Variants in SGCZ observed in about 807,000 individuals in gnomAD.
SGCZ encodes the protein zeta-sarcoglycan.
A neutral mutation model predicts 41.3 loss-of-function variants in SGCZ; 40 were observed. That is an observed-to-expected ratio of 0.97 (90% CI 0.75 to 1.26). SGCZ has a LOEUF of 1.26. SGCZ is among the 50% of genes most tolerant of loss of function. The pLI, the probability that SGCZ is intolerant of heterozygous loss-of-function variation, is 0.00. For missense variants in SGCZ, 552 were observed against 369.8 expected (o/e 1.49, Z -4.04); for synonymous variants, 206 against 137.5 (o/e 1.50, Z -3.49).
intron 1 of SGCZ, among the ~76,000 whole-genome samples, chr8:15,135,518 G>GA (rs2116983312): frequency 6.6e-6 from 1 of 152,298 alleles, no homozygotes; most frequent in Admixed American, 6.5e-5. Context: ...TCTACATGCT[G>GA]TTTTCTACAT....
intron 1 of SGCZ, among the ~76,000 whole-genome samples, chr8:14,830,051 C>A (rs1802474286): frequency 6.6e-6 from 1 of 152,176 alleles, no homozygotes; most frequent in Non-Finnish European, 1.5e-5. Context: ...ACCTCGTGAT[C>A]TGCACGCCTT....
At chr8:14,251,064 C>A (rs904271071) in intron 3 of SGCZ, among the ~76,000 whole-genome samples, 1 of 152,082 alleles carries the variant, frequency 6.6e-6, no homozygotes, top group Non-Finnish European at 1.5e-5. Flanking sequence ...CCCGTCTCTA[C>A]TTAAAGTACA....
intron 1 of SGCZ, among the ~76,000 whole-genome samples, chr8:14,880,641 A>G (rs1349069812): frequency 6.6e-6 from 1 of 152,184 alleles, no homozygotes; most frequent in Admixed American, 6.5e-5. Context: ...CGATGAGTTC[A>G]TGTCGATTGT....
chr8:14,343,946 G>A (rs1036758364), intron 2 of SGCZ, among the ~76,000 whole-genome samples: 1 of 151,968 alleles, frequency 6.6e-6, no homozygotes, highest in African/African-American at 2.4e-5. Context: ...TCACATATTG[G>A]TTCAAAATAA....
intron 1 of SGCZ, among the ~76,000 whole-genome samples, chr8:14,988,993 C>G (rs1801919909): frequency 6.6e-6 from 1 of 151,952 alleles, no homozygotes; most frequent in South Asian, 2.1e-4. Flanking sequence ...ATTTAATAGG[C>G]TCTTAAAAAT....
At chr8:15,197,364 C>T (rs996698727) in intron 1 of SGCZ, among the ~76,000 whole-genome samples, 44 of 152,168 alleles carry the variant, frequency 2.9e-4, no homozygotes, top group African/African-American at 1.0e-3. Flanking sequence ...AAGGATATAA[C>T]ATCTTCACGA....
chr8:14,215,947 G>A (rs1228889600), intron 4 of SGCZ, among the ~76,000 whole-genome samples: 2 of 152,240 alleles, frequency 1.3e-5, no homozygotes, highest in Non-Finnish European at 2.9e-5. Flanking sequence ...GTGAAAGAGT[G>A]GGCTAGGGGA....
chr8:14,569,434 T>C (rs577959010), intron 1 of SGCZ, among the ~76,000 whole-genome samples: 6 of 152,346 alleles, frequency 3.9e-5, no homozygotes, highest in African/African-American at 1.4e-4. Flanking sequence ...CTTGTTTCTT[T>C]CCTTAGCTTC....
chr8:15,151,179 C>G (rs1037114450), intron 1 of SGCZ, among the ~76,000 whole-genome samples: 26 of 152,342 alleles, frequency 1.7e-4, no homozygotes, highest in African/African-American at 6.3e-4. Context: ...AACTGCCAAT[C>G]CCGTGAATGG....
At chr8:15,008,264 C>T (rs1252352807) in intron 1 of SGCZ, among the ~76,000 whole-genome samples, 2 of 151,912 alleles carry the variant, frequency 1.3e-5, no homozygotes, top group African/African-American at 4.8e-5. Flanking sequence ...TTCGTAGGGC[C>T]TTCCTATTTC....
At chr8:14,591,605 C>T (rs1805242669) in intron 1 of SGCZ, among the ~76,000 whole-genome samples, 1 of 151,992 alleles carries the variant, frequency 6.6e-6, no homozygotes. Flanking sequence ...ATGTTTGCAC[C>T]TTATGCAAAC....
At chr8:14,266,060 AAG>A (rs1799855096) in intron 3 of SGCZ, among the ~76,000 whole-genome samples, 1 of 152,138 alleles carries the variant, frequency 6.6e-6, no homozygotes, top group Non-Finnish European at 1.5e-5. Flanking sequence ...GACATATTCA[AAG>A]AGATAATAAC....
At chr8:14,685,384 G>T (rs111683077) in intron 1 of SGCZ, among the ~76,000 whole-genome samples, 1 of 151,938 alleles carries the variant, frequency 6.6e-6, no homozygotes, top group Admixed American at 6.6e-5. Context: ...ATTAAGGCAC[G>T]TTTAAAATAT....
In SGCZ at chr8:14,085,168, T is replaced by C. The variant is rs1223228158; in HGVS notation, c.*5275A>G. Among the ~76,000 whole-genome samples, 1 of 151,774 alleles carries C rather than the reference T, an allele frequency of 6.6e-6. No homozygotes were observed. The highest frequency in any genetic ancestry group is 1.9e-4 in the East Asian group (1 of 5,140). On this transcript the variant is annotated 3_prime_UTR_variant, in exon 8 of 8. Coordinates refer to ENST00000382080, the MANE Select transcript of SGCZ (RefSeq NM_139167.4). ...AAAAGTGATTTTACATAAAGCAAGATAGAGTACAAAAGCACAGCTTTTGTA... is the reference window on the plus strand; with the variant it reads ...AAAAGTGATTTTACATAAAGCAAGACAGAGTACAAAAGCACAGCTTTTGTA...
chr8:14,702,846 TAGATAGATA>T (rs1393358198), intron 1 of SGCZ, among the ~76,000 whole-genome samples: 8 of 133,788 alleles, frequency 6.0e-5, no homozygotes, highest in African/African-American at 2.2e-4. Flanking sequence ...GATAGATAGA[TAGATAGATA>T]GATAGATAGA....
chr8:14,555,449 C>T (rs560300874), intron 1 of SGCZ, among the ~76,000 whole-genome samples: 1 of 152,154 alleles, frequency 6.6e-6, no homozygotes, highest in East Asian at 1.9e-4. Flanking sequence ...CCCTCTTGGA[C>T]CTGCTCCTGC....
intron 4 of SGCZ, among the ~76,000 whole-genome samples, chr8:14,177,289 G>A (rs2117013307): frequency 6.6e-6 from 1 of 152,272 alleles, no homozygotes; most frequent in African/African-American, 2.4e-5. Context: ...TGGCTACTGA[G>A]AGCAGGGAAG....
intron 1 of SGCZ, among the ~76,000 whole-genome samples, chr8:14,790,266 T>C (rs1418894795): frequency 3.9e-5 from 6 of 152,316 alleles, no homozygotes; most frequent in South Asian, 2.1e-4. Context: ...CTAAAAAGCA[T>C]TGAACTTTCT....
intron 4 of SGCZ, among the ~76,000 whole-genome samples, chr8:14,202,969 G>C (rs1020538841): frequency 6.6e-6 from 1 of 152,226 alleles, no homozygotes; most frequent in South Asian, 2.1e-4. Context: ...TGGTGTTCTC[G>C]TGATAGTAAA....
Sources: allele counts gnomAD v4.1 joint callset (sites outside exome capture counted in the v4.1 genomes callset), GRCh38; gene constraint gnomAD v4.1.1; transcripts MANE v1.5; gene names NCBI Gene and HGNC (gene_info 2026-07-23, HGNC 2026-07-21).